OSBPL5: variants seen among roughly 807,000 people sequenced by gnomAD.
OSBPL5 encodes the protein oxysterol binding protein like 5, also known as oxysterol-binding protein-related protein 5.
Under a neutral mutation model 111.2 loss-of-function variants are expected in OSBPL5, and 71 were observed. The observed-to-expected ratio is 0.64, with a 90% CI of 0.53 to 0.78. The LOEUF is 0.78. Ranked by LOEUF, OSBPL5 falls within the 30% of genes least tolerant of loss-of-function variation. The pLI is 0.00. For missense variants in OSBPL5, 1,210 were observed against 1,189.3 expected (o/e 1.02, Z -0.26); for synonymous variants, 549 against 513.9 (o/e 1.07, Z -0.93).
In OSBPL5 at chr11:3,100,261, A is replaced by C; in HGVS notation, c.1523-5T>G. On this transcript the variant is annotated splice_region_variant and splice_polypyrimidine_tract_variant and intron_variant, in intron 13 of 21. Coordinates refer to ENST00000263650, the MANE Select transcript of OSBPL5 (RefSeq NM_020896.4). ...GCAGCGCCGACAGCGAGTTCCCTGC[A>C]GAGACAAGAGACAGCAGGACCAGTG... 3.1e-6 allele frequency: 5 copies of C among 1,613,574 alleles called. No individual in the cohort carries two copies. The highest frequency in any genetic ancestry group is 4.2e-6 in the Non-Finnish European group (5 of 1,179,690).
At chr11:3,136,868 A>T (rs1056625053) in intron 1 of OSBPL5, among the ~76,000 whole-genome samples, 1 of 152,270 alleles carries the variant, frequency 6.6e-6, no homozygotes, top group Non-Finnish European at 1.5e-5. Context: ...CTCCGCAGCC[A>T]GCCTTCAGCA....
chr11:3,118,249 C>G (rs986545158), intron 7 of OSBPL5, among the ~76,000 whole-genome samples: 1 of 152,174 alleles, frequency 6.6e-6, no homozygotes, highest in African/African-American at 2.4e-5. Flanking sequence ...GCCAACCTGC[C>G]CCCCCATTCT....
At position 3,161,935 on chromosome 11, in the gene OSBPL5, C is replaced by G. The variant is rs867727858; in HGVS notation, c.-22+3281G>C. ...GTGCAAAGGCCCTGGAGTAAGAAGCCGGGGCTGACGCCAGACCCCTGTGAG... is the reference window on the plus strand; with the variant it reads ...GTGCAAAGGCCCTGGAGTAAGAAGCGGGGGCTGACGCCAGACCCCTGTGAG... On this transcript the variant is annotated intron_variant, in intron 1 of 21. Transcript: ENST00000263650. The surrounding 1 kb of genome is among the most constrained non-coding windows in gnomAD (Gnocchi z 8.0). 1.4e-5 allele frequency among the ~76,000 whole-genome samples: 2 copies of G among 142,192 alleles called. No homozygotes were observed. The highest frequency in any genetic ancestry group is 3.0e-5 in the Non-Finnish European group (2 of 65,726). The allele number at this position is 142,192 out of a possible 152,430, so 93.3% of individuals were successfully genotyped here. A position where few individuals can be genotyped will look rare whatever the true frequency, so the allele number is the denominator to read the frequency against.
At chr11:3,122,538 C>T (rs1858460125) in intron 3 of OSBPL5, 110 bp from the exon 4 acceptor site, 1 of 959,804 alleles carries the variant, frequency 1.0e-6, no homozygotes, top group Non-Finnish European at 1.5e-6. Context: ...GAGAAGGGCG[C>T]TCCACTCGTT....
At chr11:3,117,508 C>T (rs565533558) in intron 7 of OSBPL5, among the ~76,000 whole-genome samples, 1 of 152,188 alleles carries the variant, frequency 6.6e-6, no homozygotes, top group Non-Finnish European at 1.5e-5. Flanking sequence ...TCTTGCTGCA[C>T]TGTATATAAA....
chr11:3,093,666 GC>G lies in OSBPL5; in HGVS notation c.1810-4del. The G allele has an allele frequency of 6.2e-7, 1 of 1,613,190 alleles. No individual in the cohort carries two copies. ...TCCTTGATAAACACGTCCCTGTCCT[GC>G]CCCAGATGGCCAGCGGGGTCAGAGG... On this transcript the variant is annotated splice_polypyrimidine_tract_variant and splice_region_variant and intron_variant, in intron 16 of 21. Coordinates refer to ENST00000263650, the MANE Select transcript of OSBPL5 (RefSeq NM_020896.4).
intron 14 of OSBPL5, among the ~76,000 whole-genome samples, chr11:3,097,215 G>T (rs865817191): frequency 2.0e-5 from 3 of 150,884 alleles, no homozygotes; most frequent in Admixed American, 2.0e-4. Context: ...TGAGGTTGCC[G>T]TGGAAAGTGG....
At chr11:3,137,281 C>T (rs1331413010) in intron 1 of OSBPL5, among the ~76,000 whole-genome samples, 1 of 152,196 alleles carries the variant, frequency 6.6e-6, no homozygotes, top group Non-Finnish European at 1.5e-5. Flanking sequence ...TGTGGGCAGC[C>T]TGACCACCCC....
intron 1 of OSBPL5, among the ~76,000 whole-genome samples, chr11:3,145,262 C>A (rs1846303926): frequency 1.3e-5 from 2 of 152,238 alleles, no homozygotes; most frequent in South Asian, 4.1e-4. Context: ...GAACCTCCCC[C>A]AGGGCTCCAG....
intron 14 of OSBPL5, among the ~76,000 whole-genome samples, chr11:3,095,478 G>A (rs1363651490): frequency 6.6e-6 from 1 of 152,180 alleles, no homozygotes; most frequent in East Asian, 1.9e-4. Context: ...CACATGGTCA[G>A]GGCAGAAGGA....
At position 3,120,568 on chromosome 11, in the gene OSBPL5, C is replaced by T; in HGVS notation, c.459G>A (p.Val153=). 6.2e-7 allele frequency: 1 copy of T among 1,613,334 alleles called. No individual in the cohort carries two copies. The highest frequency in any genetic ancestry group is 8.5e-7 in the Non-Finnish European group (1 of 1,180,032). ...CCTTGGGCGTCTTGTAGATGAGCAG[C>T]ACCCCCGGCTTCAGCACGCACCACA... The part of the protein sequence containing the change: ...TKLWCVLKPG[V]LLIYKTPKVG... Residue 153 remains valine (V), a synonymous_variant, in exon 6 of 22, where the codon GTG becomes GTA. Coordinates refer to ENST00000263650, the MANE Select transcript of OSBPL5 (RefSeq NM_020896.4).
chr11:3,160,672 T>TGCCC (rs1846933748), intron 1 of OSBPL5, among the ~76,000 whole-genome samples: 2 of 122,538 alleles, frequency 1.6e-5, no homozygotes, highest in Non-Finnish European at 1.7e-5. Context: ...ATGACAACCC[T>TGCCC]CCCCCCCCCC....
intron 12 of OSBPL5, among the ~76,000 whole-genome samples, 153 bp from the exon 13 acceptor site, chr11:3,101,852 G>A (rs1024272749): frequency 1.3e-5 from 2 of 152,166 alleles, no homozygotes; most frequent in Non-Finnish European, 2.9e-5. Flanking sequence ...CCTGGCTCTC[G>A]CTTACGACGC....
In OSBPL5 at chr11:3,154,490, C is replaced by T. The variant is rs1239162178; in HGVS notation, c.-22+10726G>A. On this transcript the variant is annotated intron_variant, in intron 1 of 21. Transcript: ENST00000263650. The surrounding 1 kb of genome is among the most constrained non-coding windows in gnomAD (Gnocchi z 4.9). ...TCGCCCAGGTTCCAGCTGAGCCAGGCCTCTTGGGAAGGCGTAAAACAGTCA... is the reference window on the plus strand; with the variant it reads ...TCGCCCAGGTTCCAGCTGAGCCAGGTCTCTTGGGAAGGCGTAAAACAGTCA... Among the ~76,000 whole-genome samples, 1 of 152,216 alleles carries T rather than the reference C, an allele frequency of 6.6e-6. No homozygotes were observed. The highest frequency in any genetic ancestry group is 1.5e-5 in the Non-Finnish European group (1 of 68,040).
At position 3,161,719 on chromosome 11, in the gene OSBPL5, A is replaced by G. The variant is rs1052465098; in HGVS notation, c.-22+3497T>C. ...TCGCTTTCTCCATAGGAAGCCATTC[A>G]ATTAAACAAACATGACCATTTCAGT... On this transcript the variant is annotated intron_variant, in intron 1 of 21. Transcript: ENST00000263650. The surrounding 1 kb of genome is among the most constrained non-coding windows in gnomAD (Gnocchi z 8.0). Among the ~76,000 whole-genome samples the G allele has an allele frequency of 1.3e-5, 2 of 152,174 alleles. No individual in the cohort carries two copies. Among genetic ancestry groups the G allele is most frequent in the Non-Finnish European group, 2.9e-5 (2 of 68,032 alleles).
intron 1 of OSBPL5, among the ~76,000 whole-genome samples, chr11:3,156,671 C>T (rs565215883): frequency 3.9e-5 from 6 of 152,330 alleles, no homozygotes; most frequent in South Asian, 4.1e-4. Flanking sequence ...TGCATGGTTC[C>T]CGTGTTTAGA....
In OSBPL5 at chr11:3,155,508, C is replaced by T. The variant is rs1488917182; in HGVS notation, c.-22+9708G>A. ...TTTGCCACTCCCCCCAGCTCTGCCA[C>T]TCACCCCAGGTCTGCCACTCACTCA... On this transcript the variant is annotated intron_variant, in intron 1 of 21. Transcript: ENST00000263650. 2.1e-5 allele frequency among the ~76,000 whole-genome samples: 3 copies of T among 140,410 alleles called. No individual in the cohort carries two copies. In the East Asian group the frequency reaches 6.1e-4, roughly 29 times the overall value. 92.1% of individuals were successfully genotyped at this position (140,410 alleles called of 152,430 possible). A position where few individuals can be genotyped will look rare whatever the true frequency, so the allele number is the denominator to read the frequency against.
intron 1 of OSBPL5, among the ~76,000 whole-genome samples, chr11:3,145,022 C>T (rs369933280): frequency 6.6e-6 from 1 of 152,240 alleles, no homozygotes. Flanking sequence ...TCTAGCCCAG[C>T]GGAGGCCTTT....
chr11:3,099,833 C>T (rs1223483526), intron 14 of OSBPL5, among the ~76,000 whole-genome samples: 1 of 152,028 alleles, frequency 6.6e-6, no homozygotes, highest in African/African-American at 2.4e-5. Flanking sequence ...CTTTGGGAGG[C>T]CGAGGCGGGC....
Sources: gnomAD v4.1 joint callset for allele counts (sites outside exome capture counted in the v4.1 genomes callset) on GRCh38, gnomAD v4.1.1 for gene constraint, Gnocchi (gnomAD v3.1) non-coding constraint, MANE v1.5 for transcripts, NCBI Gene and HGNC (gene_info 2026-07-23, HGNC 2026-07-21) for gene names.